Variants in WWC2 observed in about 807,000 individuals in gnomAD.
WWC2 encodes the protein WW and C2 domain containing 2, also known as protein WWC2.
WWC2 carries 101 observed loss-of-function variants against 138.5 expected under a neutral mutation model. That is an observed-to-expected ratio of 0.73 (90% CI 0.62 to 0.86). The LOEUF (loss-of-function observed/expected upper bound fraction) is 0.86, where lower values mean the gene tolerates loss of function less well. WWC2 is among the 40% of genes least tolerant of loss of function. The pLI is 0.00. For synonymous variants in WWC2, 558 were observed against 538.4 expected, an observed-to-expected ratio of 1.04 and a Z score of -0.50; for missense variants, 1,420 against 1,419.4, an observed-to-expected ratio of 1.00 and a Z score of -0.01.
Position 183,099,591 on chromosome 4 carries a change from A to C in WWC2, c.100A>C (p.Arg34=). The change falls in exon 1 of 23, where the codon AGG becomes CGG. Residue 34 remains arginine, a synonymous_variant. Transcript: ENST00000403733. ...GGTCTTCTACATTGACCACAACACC[A>C]GGAGGACCAGCTGGATCGACCCCCG... ...GKVFYIDHNT[R]RTSWIDPRDR... The C allele has an allele frequency of 7.2e-7, 1 of 1,392,342 alleles. No homozygotes were observed. 86.2% of individuals were successfully genotyped at this position (1,392,342 alleles called of 1,614,324 possible).
At position 183,269,069 on chromosome 4, in the gene WWC2, T is replaced by A; in HGVS notation, c.2306T>A (p.Val769Glu). 10 of 1,613,996 alleles carry A rather than the reference T, an allele frequency of 6.2e-6. No homozygotes were observed. The highest frequency in any genetic ancestry group is 8.5e-6 in the Non-Finnish European group (10 of 1,179,890). Residue 769 changes from valine to glutamate, a missense_variant, in exon 15 of 23, where the codon GTG (valine) becomes GAG (glutamate). Coordinates refer to ENST00000403733, the MANE Select transcript of WWC2 (RefSeq NM_024949.6). Reference protein sequence around the residue: ...PPTESILFNDVFRVAISQTAL... With the variant: ...PPTESILFNDEFRVAISQTAL... ...ACAGAATCCATTTTATTCAATGATG[T>A]GTTCAGAGTCGCCATTTCCCAAACA...
chr4:183,287,749 A>G (rs1267129115), intron 20 of WWC2, among the ~76,000 whole-genome samples: 1 of 152,216 alleles, frequency 6.6e-6, no homozygotes, highest in East Asian at 1.9e-4. Flanking sequence ...TGTGTGAGTG[A>G]TGAGGTTAGA....
At chr4:183,100,875 C>T (rs1276055670) in intron 1 of WWC2, among the ~76,000 whole-genome samples, 2 of 152,190 alleles carry the variant, frequency 1.3e-5, no homozygotes, top group East Asian at 1.9e-4. Flanking sequence ...TCGGTCTTGC[C>T]GCAGCCTGGC....
At chr4:183,137,910 CT>C (rs1733173723) in intron 1 of WWC2, among the ~76,000 whole-genome samples, 1 of 152,206 alleles carries the variant, frequency 6.6e-6, no homozygotes, top group African/African-American at 2.4e-5. Flanking sequence ...TTCTTGATAC[CT>C]TTGTTTCCTT....
rs1738830102 is a variant in WWC2 at position 183,301,208 on chromosome 4, G to C, written c.3385-11133G>C. Among the ~76,000 whole-genome samples, 4 of 152,072 alleles carry C rather than the reference G, an allele frequency of 2.6e-5. No individual in the cohort carries two copies. The South Asian group carries it at 8.3e-4, about 32-fold the overall frequency. ...GAAGTCATTTCTCAGTGTGTACTAA[G>C]TCAACAGTTCCTTATCTGGGACCTA... is the stretch of plus-strand genomic sequence containing the variant. On this transcript the variant is annotated intron_variant, in intron 21 of 22. Coordinates refer to ENST00000403733, the MANE Select transcript of WWC2 (RefSeq NM_024949.6).
intron 4 of WWC2, among the ~76,000 whole-genome samples, chr4:183,233,148 CTTTTTTTTTTTT>C (rs543576361): frequency 1.9e-4 from 16 of 84,814 alleles, no homozygotes; most frequent in South Asian, 4.5e-4. Context: ...CTTTTTAAAC[CTTTTTTTTTTTT>C]TTTTTTTTTT....
chr4:183,180,856 A>G (rs1360534672), intron 1 of WWC2, among the ~76,000 whole-genome samples: 2 of 152,126 alleles, frequency 1.3e-5, no homozygotes, highest in African/African-American at 4.8e-5. Context: ...ATTTGAAAAA[A>G]CTTACGTGAA....
chr4:183,112,958 A>G (rs535988665), intron 1 of WWC2, among the ~76,000 whole-genome samples: 172 of 152,214 alleles, frequency 1.1e-3, no homozygotes, highest in African/African-American at 4.0e-3. Flanking sequence ...ATTTAAATTT[A>G]AACTAGTTAA....
chr4:183,219,617 A>G (rs1333355394), intron 4 of WWC2, among the ~76,000 whole-genome samples: 1 of 152,242 alleles, frequency 6.6e-6, no homozygotes, highest in Non-Finnish European at 1.5e-5. Context: ...AATATAAGAC[A>G]TCACAGAATG....
At chr4:183,099,685 G>A in intron 1 of WWC2, 63 bp downstream of exon 1, 1 of 1,178,016 alleles carries the variant, frequency 8.5e-7, no homozygotes, top group Non-Finnish European at 1.1e-6. Flanking sequence ...CCGGAGACCC[G>A]GCCGCGCGGG....
chr4:183,193,133 T>C (rs967791332), intron 1 of WWC2, among the ~76,000 whole-genome samples: 7 of 152,242 alleles, frequency 4.6e-5, no homozygotes, highest in South Asian at 2.1e-4. Flanking sequence ...GGAGAACTTA[T>C]AGTAGCCTTC....
chr4:183,282,563 T>G, intron 17 of WWC2, 145 bp from the exon 18 acceptor site: 1 of 774,074 alleles, frequency 1.3e-6, no homozygotes, highest in Non-Finnish European at 2.0e-6. Flanking sequence ...AAATGAGACA[T>G]TTAGTTAAAA....
rs751674267 is a variant in WWC2, at chr4:183,267,322, C to T, written c.2207+1371C>T. 1.2e-4 allele frequency among the ~76,000 whole-genome samples: 19 copies of T among 152,244 alleles called. 1 individual carries two copies. The highest frequency in any genetic ancestry group is 1.6e-4 in the Non-Finnish European group (11 of 68,034). On this transcript the variant is annotated intron_variant, in intron 14 of 22. Coordinates refer to ENST00000403733, the MANE Select transcript of WWC2 (RefSeq NM_024949.6). ...CATCACATAGAAGTGCCTAGATCAA[C>T]GCAGAGAGCCTGCTTCCCAAATGCG...
chr4:183,189,221 G>A (rs1734916931), intron 1 of WWC2, among the ~76,000 whole-genome samples: 1 of 151,596 alleles, frequency 6.6e-6, no homozygotes, highest in Non-Finnish European at 1.5e-5. Context: ...GATTGCCTGA[G>A]GTCAGGAGTT....
In WWC2 at chr4:183,183,243, C is replaced by T. The variant is rs6818010; in HGVS notation, c.132-10356C>T. ...TGCGCAGGTTTGTTGCATAGGTAAA[C>T]GTGTGCCATGATGTCTTGCCGCACC... On this transcript the variant is annotated intron_variant, in intron 1 of 22. Transcript: ENST00000403733. Among the ~76,000 whole-genome samples, 1,107 of 152,320 alleles carry T rather than the reference C, an allele frequency of 7.3e-3. 10 individuals are homozygous for T. Among genetic ancestry groups the T allele is most frequent in the African/African-American group, 0.024 (995 of 41,560 alleles).
intron 1 of WWC2, among the ~76,000 whole-genome samples, chr4:183,137,054 T>C (rs1733139952): frequency 1.3e-5 from 2 of 152,308 alleles, no homozygotes; most frequent in Middle Eastern, 3.4e-3. Context: ...GCCCTTAACA[T>C]GAATGGAGCT....
At chr4:183,224,013 T>C (rs368899131) in intron 4 of WWC2, among the ~76,000 whole-genome samples, 10 of 152,208 alleles carry the variant, frequency 6.6e-5, no homozygotes, top group East Asian at 5.8e-4. Flanking sequence ...ATTACAGGTG[T>C]GTGCCACCGC....
At chr4:183,308,367 TG>T (rs1186719104) in intron 21 of WWC2, among the ~76,000 whole-genome samples, 1 of 152,218 alleles carries the variant, frequency 6.6e-6, no homozygotes, top group Admixed American at 6.5e-5. Flanking sequence ...ATAGTCAAAC[TG>T]ATTCTAAAGT....
chr4:183,320,309 T>C lies in WWC2; in HGVS notation c.*4580T>C. On this transcript the variant is annotated 3_prime_UTR_variant, in exon 23 of 23. Transcript: ENST00000403733. ...ACACTTGTGTTATAACTTATGAAAC[T>C]CAGAAATATTTCTTCATTGTGTATA... The C allele has an allele frequency of 8.4e-7, 1 of 1,187,634 alleles. No homozygotes were observed. Among genetic ancestry groups the C allele is most frequent in the Non-Finnish European group, 1.2e-6 (1 of 835,154 alleles). The allele number at this position is 1,187,634 out of a possible 1,614,324, so 73.6% of individuals were successfully genotyped here.
Sources: gnomAD v4.1 joint callset for allele counts (sites outside exome capture counted in the v4.1 genomes callset) on GRCh38, gnomAD v4.1.1 for gene constraint, MANE v1.5 for transcripts, NCBI Gene and HGNC (gene_info 2026-07-23, HGNC 2026-07-21) for gene names.